The following DACH2 variants were observed in gnomAD, a reference collection of about 807,000 sequenced individuals.
DACH2 encodes dachshund family transcription factor 2, also known as dachshund homolog 2.
DACH2 carries 17 observed loss-of-function variants against 35.8 expected under a neutral mutation model. The observed-to-expected ratio is 0.48, with a 90% CI of 0.33 to 0.71. DACH2 has a LOEUF of 0.71. Among genes scored for constraint, DACH2 ranks in the 30% least tolerant of loss-of-function variants. DACH2 has a pLI of 0.02. For missense variants in DACH2, 469 were observed against 472.7 expected (o/e 0.99, Z 0.07); for synonymous variants, 195 against 177.3 (o/e 1.10, Z -0.79).
chrX:86,646,612 C>T (rs1251643522), intron 3 of DACH2, among the ~76,000 whole-genome samples: 2 of 109,919 alleles, frequency 1.8e-5, no homozygotes, highest in Non-Finnish European at 3.8e-5. Context: ...AACTAAAAAG[C>T]TTCTACACAG....
chrX:86,537,982 A>T (rs944138737), intron 3 of DACH2, among the ~76,000 whole-genome samples: 69 of 110,241 alleles, frequency 6.3e-4, no homozygotes, highest in African/African-American at 2.2e-3. Flanking sequence ...ACCCCCTTTG[A>T]TTGTAATTTT....
chrX:86,788,101 G>A (rs1470902871), intron 7 of DACH2, among the ~76,000 whole-genome samples: 1 of 111,009 alleles, frequency 9.0e-6, no homozygotes, highest in Middle Eastern at 4.7e-3. Flanking sequence ...GGGAGGGGCC[G>A]CATGCGCAGT....
chrX:86,181,694 T>G (rs1378608705), intron 1 of DACH2, among the ~76,000 whole-genome samples: 1 of 111,789 alleles, frequency 8.9e-6, no homozygotes, highest in Non-Finnish European at 1.9e-5. Context: ...CCTTGGGGTA[T>G]ATACCCAGTA....
intron 1 of DACH2, among the ~76,000 whole-genome samples, chrX:86,257,405 C>T (rs1315993357): frequency 1.8e-5 from 2 of 111,740 alleles, no homozygotes; most frequent in Non-Finnish European, 3.8e-5. Context: ...ATCTAGCTGA[C>T]AGATCATATG....
At chrX:86,346,149 T>C (rs1450412393) in intron 1 of DACH2, among the ~76,000 whole-genome samples, 5 of 111,506 alleles carry the variant, frequency 4.5e-5, no homozygotes, top group African/African-American at 1.6e-4. Flanking sequence ...ATTGCCGTGA[T>C]GGTAAAACAT....
chrX:86,820,963 G>A (rs1285556178), intron 11 of DACH2, among the ~76,000 whole-genome samples: 2 of 111,151 alleles, frequency 1.8e-5, no homozygotes, highest in African/African-American at 6.5e-5. Flanking sequence ...AGAATAGTAA[G>A]AAAAAGTGAT....
intron 1 of DACH2, among the ~76,000 whole-genome samples, chrX:86,299,578 G>T (rs954047858): frequency 1.8e-5 from 2 of 112,037 alleles, no homozygotes; most frequent in Admixed American, 9.5e-5. Flanking sequence ...AGCTGTTATG[G>T]TTGCTTTAGG....
rs760101888 is a variant in DACH2, at chrX:86,343,697, G to T, written c.489-33127G>T. On this transcript the variant is annotated intron_variant, in intron 1 of 11. Coordinates refer to ENST00000373125, the MANE Select transcript of DACH2 (RefSeq NM_053281.3). ...AGGGTAAGGTCTTTATTAAGGATTTGGCTGTAGACTGAGGGTGTATCCCAA... is the reference window on the plus strand; with the variant it reads ...AGGGTAAGGTCTTTATTAAGGATTTTGCTGTAGACTGAGGGTGTATCCCAA... Among the ~76,000 whole-genome samples, 3 of 111,453 alleles carry T rather than the reference G, an allele frequency of 2.7e-5. No homozygotes were observed. In the East Asian group the frequency reaches 8.5e-4, roughly 32 times the overall value.
chrX:86,517,933 G>A (rs967241054), intron 3 of DACH2, among the ~76,000 whole-genome samples: 1 of 111,359 alleles, frequency 9.0e-6, no homozygotes, highest in Non-Finnish European at 1.9e-5. Context: ...TGCTTTTGTC[G>A]TGATTGCTTT....
chrX:86,417,412 A>G (rs1402817863), intron 2 of DACH2, among the ~76,000 whole-genome samples: 4 of 112,312 alleles, frequency 3.6e-5, no homozygotes, highest in Non-Finnish European at 7.5e-5. Flanking sequence ...GAGATTTATT[A>G]GACTTACAGG....
At chrX:86,218,859 A>C (rs2032638144) in intron 1 of DACH2, among the ~76,000 whole-genome samples, 1 of 111,682 alleles carries the variant, frequency 9.0e-6, no homozygotes, top group African/African-American at 3.3e-5. Flanking sequence ...CAGCTCCACC[A>C]ATCCTGAATC....
chrX:86,220,475 T>G (rs750061270), intron 1 of DACH2, among the ~76,000 whole-genome samples: 1 of 111,961 alleles, frequency 8.9e-6, no homozygotes, highest in Admixed American at 9.5e-5. Flanking sequence ...TTATGCAGGA[T>G]TTTTCCTATG....
chrX:86,157,672 A>G (rs2030594953), intron 1 of DACH2, among the ~76,000 whole-genome samples: 1 of 111,524 alleles, frequency 9.0e-6, no homozygotes, highest in Non-Finnish European at 1.9e-5. Context: ...TAACCATTAT[A>G]GCTTACAGCA....
intron 7 of DACH2, among the ~76,000 whole-genome samples, chrX:86,792,296 G>A (rs749988552): frequency 3.6e-5 from 4 of 111,882 alleles, no homozygotes; most frequent in African/African-American, 1.3e-4. Context: ...TTTGTCACAA[G>A]CGTAGAATGT....
intron 7 of DACH2, among the ~76,000 whole-genome samples, chrX:86,809,404 A>T (rs951892100): frequency 9.0e-6 from 1 of 111,215 alleles, no homozygotes; most frequent in African/African-American, 3.3e-5. Flanking sequence ...CACTTATTTA[A>T]ATTCTGAGCA....
intron 11 of DACH2, among the ~76,000 whole-genome samples, chrX:86,827,298 C>A (rs1192448150): frequency 1.8e-5 from 2 of 111,681 alleles, no homozygotes; most frequent in African/African-American, 3.2e-5. Flanking sequence ...ACAGGATAGG[C>A]CTTTACTAAT....
intron 2 of DACH2, among the ~76,000 whole-genome samples, chrX:86,510,506 G>A (rs1177063884): frequency 1.8e-5 from 2 of 111,731 alleles, no homozygotes; most frequent in Non-Finnish European, 1.9e-5. Flanking sequence ...TCAATCTCAG[G>A]AAGCTGGGTG....
intron 2 of DACH2, among the ~76,000 whole-genome samples, chrX:86,411,020 T>TTATATATATATATATATATATACATA (rs36194671): frequency 4.9e-5 from 2 of 40,528 alleles, no homozygotes; most frequent in Non-Finnish European, 8.9e-5. Context: ...ACTAATATGA[T>TTATATATATATATATATATATACATA]TATATATATA....
At chrX:86,343,316 G>C (rs1019808858) in intron 1 of DACH2, among the ~76,000 whole-genome samples, 2 of 111,309 alleles carry the variant, frequency 1.8e-5, no homozygotes, top group Admixed American at 1.9e-4. Context: ...TGTGGGCAGA[G>C]CTGTTTGATG....
Sources: allele counts gnomAD v4.1 joint callset (sites outside exome capture counted in the v4.1 genomes callset), GRCh38; gene constraint gnomAD v4.1.1; transcripts MANE v1.5; gene names NCBI Gene and HGNC (gene_info 2026-07-23, HGNC 2026-07-21).